Variants in FHDC1 observed in about 807,000 individuals in gnomAD.
FHDC1 encodes FH2 domain-containing protein 1.
In FHDC1, 25 loss-of-function variants were observed where a neutral mutation model predicts 52.6. The ratio of observed to expected loss-of-function variants is 0.48; its 90% confidence interval spans 0.35 to 0.66. The LOEUF is 0.66. Ranked by LOEUF, FHDC1 falls within the 30% of genes least tolerant of loss-of-function variation. The pLI, the probability that FHDC1 is intolerant of heterozygous loss-of-function variation, is 0.01. For synonymous variants in FHDC1, 616 were observed against 581.5 expected (o/e 1.06, Z -0.85); for missense variants, 1,459 against 1,452.8 (o/e 1.00, Z -0.07).
In FHDC1 at chr4:152,968,028, G is replaced by T; in HGVS notation, c.1149G>T (p.Arg383Ser). 6.2e-7 allele frequency: 1 copy of T among 1,613,830 alleles called. No homozygotes were observed. Among genetic ancestry groups the T allele is most frequent in the Non-Finnish European group, 8.5e-7 (1 of 1,179,906 alleles). Residue 383 changes from arginine (R) to serine (S), a missense_variant, in exon 10 of 12, where the codon AGG (arginine) becomes AGT (serine). By Grantham distance (110) the Arg-to-Ser change is moderately radical. Coordinates refer to ENST00000511601, the MANE Select transcript of FHDC1 (RefSeq NM_001371116.1). ...TEAELHLLFV[R>S]TKSLKENIQR... ...CAGAACTGCACTTGCTGTTTGTCAG[G>T]ACAAAATCACTAAAAGAAAACATCC... is the stretch of plus-strand genomic sequence containing the variant.
Position 152,954,359 on chromosome 4 carries a change from A to G in FHDC1, c.663+40A>G, listed in dbSNP as rs138264889. 41 of 1,524,302 alleles carry G rather than the reference A, an allele frequency of 2.7e-5. No homozygotes were observed. The East Asian group carries it at 9.0e-4, about 34-fold the overall frequency. The allele number at this position is 1,524,302 out of a possible 1,614,324, so 94.4% of individuals were successfully genotyped here. Reference sequence around the variant, plus strand: ...GCATGAGTTGTAGATGTTAGGAGTGATCATAAAAGCTTAATATTTTTAAGT... The same window carrying G: ...GCATGAGTTGTAGATGTTAGGAGTGGTCATAAAAGCTTAATATTTTTAAGT... On this transcript the variant is annotated intron_variant, in intron 4 of 11. Transcript: ENST00000511601.
At chr4:152,930,962 A>AACACACAC in the FHDC1 span, among the ~76,000 whole-genome samples, 16,285 of 103,780 alleles carry the variant, frequency 0.16, 1,187 homozygotes, top group East Asian at 0.2. Flanking sequence ...TCCCCAGGGA[A>AACACACAC]ACACACACAC....
At chr4:152,954,550 G>A (rs1468578669) in intron 4 of FHDC1, among the ~76,000 whole-genome samples, 2 of 152,064 alleles carry the variant, frequency 1.3e-5, no homozygotes, top group Non-Finnish European at 2.9e-5. Context: ...AGCCCGGTGT[G>A]GTGGCAGGCA....
At chr4:152,970,537 C>T (rs1740609453) in intron 10 of FHDC1, among the ~76,000 whole-genome samples, 1 of 152,204 alleles carries the variant, frequency 6.6e-6, no homozygotes, top group South Asian at 2.1e-4. Flanking sequence ...CGAGGTGGAG[C>T]TGAGCTCCCA....
chr4:152,960,604 C>G lies in FHDC1; in HGVS notation c.703C>G (p.Leu235Val). ...AGCGTTTAGTGGCGACGTGTCGAAG[C>G]TGTCTCTGGCAGATTCCTTTCTGTA... Reference protein sequence around the residue: ...LKAFSGDVSKLSLADSFLYGL... With the variant: ...LKAFSGDVSKVSLADSFLYGL... Residue 235 changes from leucine to valine, a missense_variant, in exon 5 of 12, where the codon CTG becomes GTG. Coordinates refer to ENST00000511601, the MANE Select transcript of FHDC1 (RefSeq NM_001371116.1). 1 of 1,614,164 alleles carries G rather than the reference C, an allele frequency of 6.2e-7. No individual in the cohort carries two copies. Among genetic ancestry groups the G allele is most frequent in the South Asian group, 1.1e-5 (1 of 91,082 alleles).
chr4:152,954,387 G>A (rs1022336012), intron 4 of FHDC1, 68 bp downstream of exon 4: 2 of 1,356,082 alleles, frequency 1.5e-6, no homozygotes, highest in Non-Finnish European at 2.1e-6. Flanking sequence ...TTTTAAGTGT[G>A]TCAAAGCTCA....
rs1186334715 is a variant in FHDC1, at chr4:152,963,784, T to G, written c.1029+654T>G. 6.2e-3 allele frequency among the ~76,000 whole-genome samples: 852 copies of G among 137,450 alleles called. 8 individuals carry two copies. The highest frequency in any genetic ancestry group is 0.023 in the African/African-American group (799 of 34,580). 90.2% of individuals were successfully genotyped at this position (137,450 alleles called of 152,430 possible). On this transcript the variant is annotated intron_variant, in intron 8 of 11. Coordinates refer to ENST00000511601, the MANE Select transcript of FHDC1 (RefSeq NM_001371116.1). ...CCATTGCTTTGTTTTTTTTTTTTTT[T>G]TTTTTTTTTTTTTTTTTTTGACTGG...
At chr4:152,912,608 A>AT in the FHDC1 span, among the ~76,000 whole-genome samples, 1 of 152,154 alleles carries the variant, frequency 6.6e-6, no homozygotes, top group Non-Finnish European at 1.5e-5. Context: ...TGTTTAGTAT[A>AT]TTTTTTAAGC....
At chr4:152,929,598 T>A in the FHDC1 span, among the ~76,000 whole-genome samples, 2 of 152,188 alleles carry the variant, frequency 1.3e-5, no homozygotes, top group African/African-American at 4.8e-5. This position sits in a 1 kb window ranked among gnomAD's most constrained non-coding sequence, Gnocchi z 4.1. Flanking sequence ...TTCTGTAGAC[T>A]CTGTACATGA....
Position 152,960,610 on chromosome 4 carries a change from C to A in FHDC1, c.709C>A (p.Leu237Met). The change falls in exon 5 of 12, where the codon CTG (leucine) becomes ATG (methionine). Residue 237 changes from leucine to methionine, a missense_variant. This residue lies in a region of FHDC1 where 513 missense variants were observed against 581.5 expected (regional missense o/e 0.88). Transcript: ENST00000511601. ...AFSGDVSKLSLADSFLYGLIQ... is the reference protein window; with the variant it reads ...AFSGDVSKLSMADSFLYGLIQ... ...TAGTGGCGACGTGTCGAAGCTGTCT[C>A]TGGCAGATTCCTTTCTGTATGGCTT... 6.2e-7 allele frequency: 1 copy of A among 1,614,162 alleles called. No homozygotes were observed. Among genetic ancestry groups the A allele is most frequent in the Non-Finnish European group, 8.5e-7 (1 of 1,180,040 alleles).
rs147179268 is a variant in FHDC1, at chr4:152,943,181, C to T, written c.124C>T (p.Pro42Ser). ...ACCTCCTCCACCTCCTCCTCCACCC[C>T]CTCCATCTCCACCATGTTCATGTTC... ...PAPPPPPPPPPPSPPCSCSRE... is the reference protein window; with the variant it reads ...PAPPPPPPPPSPSPPCSCSRE... The change falls in exon 2 of 12, where the codon CCT (proline) becomes TCT (serine). Residue 42 changes from proline (P) to serine (S), a missense_variant. Around this residue, in one of 3 missense-constraint regions of FHDC1, gnomAD observed 513 missense variants for 581.5 expected, o/e 0.88. Transcript: ENST00000511601. The T allele has an allele frequency of 1.5e-5, 24 of 1,613,348 alleles. No individual in the cohort carries two copies. Among genetic ancestry groups the T allele is most frequent in the South Asian group, 1.4e-4 (13 of 90,992 alleles).
rs1341582128 is a variant in FHDC1, at chr4:152,949,106, T to TAAG, written c.499-4391_499-4390insGAA. Among the ~76,000 whole-genome samples the TAAG allele has an allele frequency of 2.0e-4, 14 of 69,682 alleles. No homozygotes were observed. In the South Asian group the frequency reaches 3.3e-3, roughly 17 times the overall value. The allele number at this position is 69,682 out of a possible 152,430, so 45.7% of individuals were successfully genotyped here. On this transcript the variant is annotated intron_variant, in intron 2 of 11. Coordinates refer to ENST00000511601, the MANE Select transcript of FHDC1 (RefSeq NM_001371116.1). Reference sequence around the variant, plus strand: ...CTTGTCTCAGTAATAATAATAATAATAATAATAATAATAATAATAAGAAGA... The same window carrying TAAG: ...CTTGTCTCAGTAATAATAATAATAATAAGAATAATAATAATAATAATAAGAAGA...
At chr4:152,928,962 A>G in the FHDC1 span, among the ~76,000 whole-genome samples, 1 of 152,004 alleles carries the variant, frequency 6.6e-6, no homozygotes, top group Non-Finnish European at 1.5e-5. Context: ...TTAGTTTAAG[A>G]TTCTAAATTT....
At chr4:152,925,850 A>AAGAAGGAGAGGAGAAGAAGGAGG in the FHDC1 span, among the ~76,000 whole-genome samples, 1 of 144,014 alleles carries the variant, frequency 6.9e-6, no homozygotes, top group Non-Finnish European at 1.5e-5. Flanking sequence ...GAAGAAGGAG[A>AAGAAGGAGAGGAGAAGAAGGAGG]AGAAGGAGAG....
rs1329839799 is a variant in FHDC1 at position 152,975,162 on chromosome 4, C to T, written c.1871C>T (p.Ala624Val). Reference protein sequence around the residue: ...PPSAQAHQLAAAQPENHASAF... With the variant: ...PPSAQAHQLAVAQPENHASAF... ...TCAGCACAGGCGCACCAGCTTGCAGCCGCCCAGCCTGAGAACCATGCCTCT... is the reference window on the plus strand; with the variant it reads ...TCAGCACAGGCGCACCAGCTTGCAGTCGCCCAGCCTGAGAACCATGCCTCT... The change falls in exon 12 of 12, where the codon GCC becomes GTC. Residue 624 changes from alanine (A) to valine (V), a missense_variant. Physicochemically the swap from Ala to Val is moderately conservative, Grantham distance 64 (BLOSUM62 0). Around this residue, in one of 3 missense-constraint regions of FHDC1, gnomAD observed 939 missense variants for 854.5 expected, o/e 1.10. Coordinates refer to ENST00000511601, the MANE Select transcript of FHDC1 (RefSeq NM_001371116.1). 1 of 1,613,080 alleles carries T rather than the reference C, an allele frequency of 6.2e-7. No homozygotes were observed. Among genetic ancestry groups the T allele is most frequent in the Non-Finnish European group, 8.5e-7 (1 of 1,180,024 alleles).
the FHDC1 span, among the ~76,000 whole-genome samples, chr4:152,925,058 G>A: frequency 1.3e-5 from 2 of 151,834 alleles, no homozygotes; most frequent in Admixed American, 6.6e-5. Flanking sequence ...AAACAATAAT[G>A]TATGTTGACG....
chr4:152,916,450 A>G, the FHDC1 span, among the ~76,000 whole-genome samples: 2 of 152,198 alleles, frequency 1.3e-5, no homozygotes, highest in Non-Finnish European at 2.9e-5. Flanking sequence ...CTGGAAGAGA[A>G]AAAGGAGAGA....
Position 152,975,620 on chromosome 4 carries a change from A to C in FHDC1, c.2329A>C (p.Thr777Pro). The C allele has an allele frequency of 6.2e-7, 1 of 1,613,572 alleles. No homozygotes were observed. Among genetic ancestry groups the C allele is most frequent in the Non-Finnish European group, 8.5e-7 (1 of 1,180,018 alleles). ...PRPLFCISDT[T>P]DCSLTLDCSE... ...ACCTCTGTTCTGCATCTCGGACACCACCGACTGCTCACTGACCCTGGACTG... is the reference window on the plus strand; with the variant it reads ...ACCTCTGTTCTGCATCTCGGACACCCCCGACTGCTCACTGACCCTGGACTG... The change falls in exon 12 of 12, where the codon ACC becomes CCC. Residue 777 changes from threonine to proline, a missense_variant. Around this residue, in one of 3 missense-constraint regions of FHDC1, gnomAD observed 939 missense variants for 854.5 expected, o/e 1.10. Coordinates refer to ENST00000511601, the MANE Select transcript of FHDC1 (RefSeq NM_001371116.1).
intron 6 of FHDC1, 58 bp from the exon 7 acceptor site, chr4:152,962,754 CTT>C: frequency 7.1e-7 from 1 of 1,409,468 alleles, no homozygotes; most frequent in Non-Finnish European, 1.0e-6. Flanking sequence ...TGGTAGCTGT[CTT>C]TTGTGCATTT....
Sources: gnomAD v4.1 joint callset for allele counts (sites outside exome capture counted in the v4.1 genomes callset) on GRCh38, gnomAD v4.1.1 for gene constraint, gnomAD v4.1.1 regional missense constraint, Gnocchi (gnomAD v3.1) non-coding constraint, MANE v1.5 for transcripts, NCBI Gene and HGNC (gene_info 2026-07-23, HGNC 2026-07-21) for gene names.